Variants in FAM3B observed in about 807,000 individuals in gnomAD.
FAM3B encodes protein FAM3B.
FAM3B carries 29 observed loss-of-function variants against 28.4 expected under a neutral mutation model. The ratio of observed to expected loss-of-function variants is 1.02; its 90% CI spans 0.76 to 1.39. FAM3B has a LOEUF of 1.39. Among genes scored for constraint, FAM3B ranks in the 40% most tolerant of loss-of-function variants. FAM3B has a pLI of 0.00. For synonymous variants in FAM3B, 91 were observed against 103.0 expected (o/e 0.88, Z 0.71); for missense variants, 266 against 293.9 (o/e 0.91, Z 0.69).
At chr21:41,317,846 G>A (rs1464232530) in intron 1 of FAM3B, among the ~76,000 whole-genome samples, 5 of 152,062 alleles carry the variant, frequency 3.3e-5, no homozygotes. Context: ...CCAAATGTAG[G>A]AAAGCCGCAT....
chr21:41,339,460 A>C (rs1476359441), intron 3 of FAM3B, among the ~76,000 whole-genome samples: 1 of 152,218 alleles, frequency 6.6e-6, no homozygotes, highest in African/African-American at 2.4e-5. Flanking sequence ...GGCCCTTGAT[A>C]GGGTTCCTCC....
intron 1 of FAM3B, among the ~76,000 whole-genome samples, chr21:41,306,641 G>C (rs1046520888): frequency 6.6e-6 from 1 of 152,180 alleles, no homozygotes; most frequent in Admixed American, 6.5e-5. Context: ...CGAAGCAGTA[G>C]ATCTCAACAG....
intron 2 of FAM3B, among the ~76,000 whole-genome samples, chr21:41,334,089 A>ATAGATAAGAT (rs1312566718): frequency 6.6e-6 from 1 of 152,224 alleles, no homozygotes; most frequent in Non-Finnish European, 1.5e-5. Flanking sequence ...GGCTGCTTCT[A>ATAGATAAGAT]ATAACCTGCG....
intron 2 of FAM3B, among the ~76,000 whole-genome samples, chr21:41,327,777 A>G (rs1601355884): frequency 6.6e-6 from 1 of 152,078 alleles, no homozygotes; most frequent in African/African-American, 2.4e-5. Context: ...TTCCCTTGCT[A>G]CCTCTTGTGC....
rs2088853519 is a variant in FAM3B, at chr21:41,326,191, TG to T, written c.163+3126del. Among the ~76,000 whole-genome samples the T allele has an allele frequency of 6.6e-6, 1 of 152,208 alleles. No homozygotes were observed. The highest frequency in any genetic ancestry group is 2.4e-5 in the African/African-American group (1 of 41,452). ...TCAGGAAAAGCACTGAAGACCTAGA[TG>T]TGGTTCTCCAGGCAGGGTTTGGAAA... On this transcript the variant is annotated intron_variant, in intron 2 of 7. Coordinates refer to ENST00000357985, the MANE Select transcript of FAM3B (RefSeq NM_058186.4). This position sits in a 1 kb window ranked among gnomAD's most constrained non-coding sequence, Gnocchi z 4.0.
rs1737713237 is a variant in FAM3B at position 41,337,488 on chromosome 21, T to A, written c.164-890T>A. On this transcript the variant is annotated intron_variant, in intron 2 of 7. Transcript: ENST00000357985. Reference sequence around the variant, plus strand: ...ATTGCTGACCCCTGTGAAATAAGGATGCTGATGCTAGGAGAGATATCTCCA... The same window carrying A: ...ATTGCTGACCCCTGTGAAATAAGGAAGCTGATGCTAGGAGAGATATCTCCA... Among the ~76,000 whole-genome samples the A allele has an allele frequency of 3.9e-5, 6 of 152,358 alleles. No individual in the cohort carries two copies. In the South Asian group the frequency reaches 1.2e-3, roughly 32 times the overall value.
At chr21:41,311,249 AAAATAT>A (rs1237841745) in intron 1 of FAM3B, among the ~76,000 whole-genome samples, 12 of 56,614 alleles carry the variant, frequency 2.1e-4, no homozygotes, top group African/African-American at 4.3e-4. Flanking sequence ...AAAAAAAAAA[AAAATAT>A]ATATATATAT....
chr21:41,316,751 G>T (rs555437923), upstream of FAM3B: 6,210 of 891,130 alleles, frequency 7.0e-3, 38 homozygotes, highest in Non-Finnish European at 8.5e-3. Context: ...GACTGGCCGC[G>T]CACCCAGCTG....
At chr21:41,311,247 AAAAAATATATAT>A (rs2088709472) in intron 1 of FAM3B, among the ~76,000 whole-genome samples, 4 of 63,446 alleles carry the variant, frequency 6.3e-5, no homozygotes, top group Admixed American at 2.2e-4. Context: ...AAAAAAAAAA[AAAAAATATATAT>A]ATATATATAT....
intron 1 of FAM3B, 36 bp downstream of exon 1, chr21:41,316,934 C>A (rs2088754903): frequency 7.6e-7 from 1 of 1,314,914 alleles, no homozygotes; most frequent in African/African-American, 1.5e-5. Flanking sequence ...AGGGTAGGGG[C>A]GGGGAAGGAG....
intron 1 of FAM3B, among the ~76,000 whole-genome samples, chr21:41,317,603 T>A (rs1230564920): frequency 6.6e-6 from 1 of 152,060 alleles, no homozygotes; most frequent in African/African-American, 2.4e-5. Flanking sequence ...TCTCCTCCTA[T>A]AATCTGAAGA....
chr21:41,312,722 A>AGTGT (rs10580404), upstream of FAM3B, among the ~76,000 whole-genome samples: 260 of 148,324 alleles, frequency 1.8e-3, 1 homozygote, highest in Middle Eastern at 0.011. Flanking sequence ...TGTGTGTGAG[A>AGTGT]GTGTGTGTGT....
In FAM3B at chr21:41,326,808, G is replaced by A. The variant is rs1350262453; in HGVS notation, c.163+3742G>A. Among the ~76,000 whole-genome samples, 2 of 152,244 alleles carry A rather than the reference G, an allele frequency of 1.3e-5. No individual in the cohort carries two copies. The highest frequency in any genetic ancestry group is 4.8e-5 in the African/African-American group (2 of 41,466). ...TGTACCCTGAGCCCCAGCCCCTGAG[G>A]CAGGAGGAGGAACAGGAACAAGTTA... On this transcript the variant is annotated intron_variant, in intron 2 of 7. Coordinates refer to ENST00000357985, the MANE Select transcript of FAM3B (RefSeq NM_058186.4). This position sits in a 1 kb window ranked among gnomAD's most constrained non-coding sequence, Gnocchi z 4.0.
intron 1 of FAM3B, among the ~76,000 whole-genome samples, chr21:41,306,277 G>T (rs1052236802): frequency 6.6e-6 from 1 of 152,178 alleles, no homozygotes; most frequent in African/African-American, 2.4e-5. Flanking sequence ...ATGAGGGTTG[G>T]AATCAATTTC....
intron 3 of FAM3B, among the ~76,000 whole-genome samples, chr21:41,339,574 C>T (rs1463504534): frequency 6.6e-6 from 1 of 152,146 alleles, no homozygotes; most frequent in Non-Finnish European, 1.5e-5. Flanking sequence ...GTCTTACCCC[C>T]TTAAGTTCTT....
intron 2 of FAM3B, 90 bp downstream of exon 2, chr21:41,323,156 G>A: frequency 4.6e-6 from 7 of 1,515,062 alleles, no homozygotes; most frequent in Non-Finnish European, 6.3e-6. Context: ...GAGGCTGGGG[G>A]GCCCTGACGG....
intron 1 of FAM3B, among the ~76,000 whole-genome samples, chr21:41,310,363 G>A (rs112020143): frequency 0.03 from 4,570 of 152,062 alleles, 216 homozygotes; most frequent in African/African-American, 0.1. Flanking sequence ...TTCCACTCTT[G>A]GTGCTCCCAT....
In FAM3B at chr21:41,356,344, A is replaced by G. The variant is rs186012115; in HGVS notation, c.619-764A>G. ...AACCTACCAAAGATGATAGTTTAGC[A>G]TAGCATACCTTAAACATGCTCAGAA... On this transcript the variant is annotated intron_variant, in intron 7 of 7. Transcript: ENST00000357985. 3.3e-5 allele frequency among the ~76,000 whole-genome samples: 5 copies of G among 152,336 alleles called. No homozygotes were observed. In the East Asian group the frequency reaches 7.7e-4, roughly 23 times the overall value.
intron 1 of FAM3B, among the ~76,000 whole-genome samples, chr21:41,308,098 GTTTCTAAATCAACACT>G (rs2088691143): frequency 6.6e-6 from 1 of 152,172 alleles, no homozygotes; most frequent in Admixed American, 6.5e-5. Flanking sequence ...TACATAACTT[GTTTCTAAATCAACACT>G]GAAATTCAGC....
Sources: gnomAD v4.1 joint callset for allele counts (sites outside exome capture counted in the v4.1 genomes callset) on GRCh38, gnomAD v4.1.1 for gene constraint, Gnocchi (gnomAD v3.1) non-coding constraint, MANE v1.5 for transcripts, NCBI Gene and HGNC (gene_info 2026-07-23, HGNC 2026-07-21) for gene names.